C10orf90: variants seen among roughly 807,000 people sequenced by gnomAD.
The protein encoded by C10orf90 is (E2-independent) E3 ubiquitin-conjugating enzyme FATS.
A neutral mutation model predicts 62.5 loss-of-function variants in C10orf90; 56 were observed. That is an observed-to-expected ratio of 0.90 (90% CI 0.72 to 1.12). The LOEUF is 1.12. Ranked by LOEUF, C10orf90 falls within the 50% of genes most tolerant of loss-of-function variation. The pLI is 0.00. For synonymous variants in C10orf90, 386 were observed against 340.4 expected, an observed-to-expected ratio of 1.13 and a Z score of -1.47; for missense variants, 970 against 880.4, an observed-to-expected ratio of 1.10 and a Z score of -1.29.
intron 4 of C10orf90, among the ~76,000 whole-genome samples, chr10:126,491,379 G>T (rs1256690453): frequency 6.6e-6 from 1 of 152,146 alleles, no homozygotes; most frequent in Non-Finnish European, 1.5e-5. Flanking sequence ...ATATCTAATT[G>T]TGGTTAGTTA....
At chr10:126,545,359 TA>T (rs1462434957) in intron 2 of C10orf90, among the ~76,000 whole-genome samples, 1 of 152,184 alleles carries the variant, frequency 6.6e-6, no homozygotes, top group Non-Finnish European at 1.5e-5. Context: ...TAGCCTTAAT[TA>T]ATTCCTTGTT....
intron 1 of C10orf90, among the ~76,000 whole-genome samples, chr10:126,669,893 A>G (rs1846712788): frequency 6.6e-6 from 1 of 152,206 alleles, no homozygotes; most frequent in Non-Finnish European, 1.5e-5. Flanking sequence ...GTGATTGCAA[A>G]CATACAGAGC....
In C10orf90 at chr10:126,456,478, C is replaced by T. The variant is rs1035815306; in HGVS notation, c.2188+2562G>A. On this transcript the variant is annotated intron_variant, in intron 7 of 9. Transcript: ENST00000488181. This position sits in a 1 kb window ranked among gnomAD's most constrained non-coding sequence, Gnocchi z 4.9. ...GAGCCTGGTTACCTTTTATTACATA[C>T]AATTTTAAGACTTCCATTTAAAAGA... Among the ~76,000 whole-genome samples, 1 of 152,120 alleles carries T rather than the reference C, an allele frequency of 6.6e-6. No individual in the cohort carries two copies. Among genetic ancestry groups the T allele is most frequent in the African/African-American group, 2.4e-5 (1 of 41,412 alleles).
intron 4 of C10orf90, among the ~76,000 whole-genome samples, chr10:126,490,058 T>TATAATATATAATATATAATATAATA (rs1234660053): frequency 0.088 from 8,948 of 101,854 alleles, 638 homozygotes; most frequent in Non-Finnish European, 0.11. Context: ...TATTATGTTA[T>TATAATATATAATATATAATATAATA]ATAATATATA....
rs567137739 is a variant in C10orf90 at position 126,530,604 on chromosome 10, C to T, written c.314-16665G>A. Among the ~76,000 whole-genome samples, 8 of 151,874 alleles carry T rather than the reference C, an allele frequency of 5.3e-5. No homozygotes were observed. In the East Asian group the frequency reaches 1.6e-3, roughly 29 times the overall value. On this transcript the variant is annotated intron_variant, in intron 2 of 9. Coordinates refer to ENST00000488181, the MANE Select transcript of C10orf90 (RefSeq NM_001350921.2). ...TTATCAAAAATCGTCCCATAAAGAA[C>T]ATGCCAGATTCAGGTAGCCTCACTG...
intron 2 of C10orf90, among the ~76,000 whole-genome samples, chr10:126,619,914 T>G (rs1845614146): frequency 1.3e-5 from 2 of 152,216 alleles, no homozygotes; most frequent in African/African-American, 4.8e-5. Flanking sequence ...ATTGCAGGCG[T>G]GAACCACTGC....
intron 2 of C10orf90, among the ~76,000 whole-genome samples, chr10:126,562,791 C>G (rs940438983): frequency 5.3e-5 from 8 of 152,224 alleles, no homozygotes; most frequent in East Asian, 1.9e-4. Context: ...CCAACCAGGA[C>G]AGTAAAACCA....
intron 2 of C10orf90, among the ~76,000 whole-genome samples, chr10:126,616,896 A>G (rs1432811354): frequency 6.6e-6 from 1 of 152,156 alleles, no homozygotes; most frequent in East Asian, 1.9e-4. Context: ...TAGGTCCGCA[A>G]CATTGATATG....
intron 2 of C10orf90, among the ~76,000 whole-genome samples, chr10:126,617,228 A>G (rs975552870): frequency 6.6e-6 from 1 of 152,194 alleles, no homozygotes; most frequent in African/African-American, 2.4e-5. Context: ...CCCAACAGAG[A>G]AAACATTTTA....
At chr10:126,626,670 G>A (rs568874697) in intron 2 of C10orf90, among the ~76,000 whole-genome samples, 1 of 152,342 alleles carries the variant, frequency 6.6e-6, no homozygotes, top group South Asian at 2.1e-4. Context: ...AGTGTTAAAA[G>A]TGCTAAAATG....
At chr10:126,659,808 A>T (rs1208568585) in intron 1 of C10orf90, among the ~76,000 whole-genome samples, 1 of 152,254 alleles carries the variant, frequency 6.6e-6, no homozygotes, top group East Asian at 1.9e-4. Context: ...GTAAGTATTG[A>T]ATCAAGGAAG....
intron 2 of C10orf90, among the ~76,000 whole-genome samples, chr10:126,644,669 C>CATT (rs1276713381): frequency 6.6e-6 from 1 of 151,986 alleles, no homozygotes; most frequent in Non-Finnish European, 1.5e-5. Context: ...ATTCCTAAGC[C>CATT]ATTAAAGTGC....
At chr10:126,636,331 A>G (rs1459795636) in intron 2 of C10orf90, among the ~76,000 whole-genome samples, 4 of 152,194 alleles carry the variant, frequency 2.6e-5, no homozygotes, top group African/African-American at 7.2e-5. Flanking sequence ...AGTTAAGGGC[A>G]AGTTATCAGC....
intron 3 of C10orf90, among the ~76,000 whole-genome samples, chr10:126,513,376 A>T (rs1427533816): frequency 6.6e-6 from 1 of 152,230 alleles, no homozygotes; most frequent in Non-Finnish European, 1.5e-5. Flanking sequence ...AGCCTGGTGT[A>T]TGATACATTG....
chr10:126,652,167 T>C (rs1846303956), intron 1 of C10orf90, among the ~76,000 whole-genome samples: 1 of 152,196 alleles, frequency 6.6e-6, no homozygotes. Context: ...CCTGCACCTA[T>C]AATAACTCAA....
At chr10:126,452,072 A>C (rs925957674) in intron 7 of C10orf90, among the ~76,000 whole-genome samples, 1 of 152,186 alleles carries the variant, frequency 6.6e-6, no homozygotes, top group Non-Finnish European at 1.5e-5. Flanking sequence ...AGTAGTATTA[A>C]TACATCTTAA....
At chr10:126,651,205 C>A (rs1410227328) in intron 1 of C10orf90, among the ~76,000 whole-genome samples, 1 of 152,146 alleles carries the variant, frequency 6.6e-6, no homozygotes, top group Non-Finnish European at 1.5e-5. Context: ...TGTTTCCTGA[C>A]TCTCCCTTCA....
intron 4 of C10orf90, among the ~76,000 whole-genome samples, chr10:126,497,671 AG>A (rs557776351): frequency 5.3e-5 from 8 of 152,300 alleles, no homozygotes; most frequent in African/African-American, 7.2e-5. Flanking sequence ...GCCCTGGAGC[AG>A]GGGGGGTCAC....
At chr10:126,506,787 A>C (rs556729550) in intron 3 of C10orf90, among the ~76,000 whole-genome samples, 3 of 152,206 alleles carry the variant, frequency 2.0e-5, no homozygotes, top group African/African-American at 7.2e-5. Flanking sequence ...GCTCATTCCA[A>C]GATGTGACAG....
Sources: gnomAD v4.1 joint callset for allele counts (sites outside exome capture counted in the v4.1 genomes callset) on GRCh38, gnomAD v4.1.1 for gene constraint, Gnocchi (gnomAD v3.1) non-coding constraint, MANE v1.5 for transcripts, NCBI Gene and HGNC (gene_info 2026-07-23, HGNC 2026-07-21) for gene names.